The following RABGAP1L variants were observed in gnomAD, a reference collection of about 807,000 sequenced individuals.
The protein encoded by RABGAP1L is rab GTPase-activating protein 1-like.
RABGAP1L carries 63 observed loss-of-function variants against 137.7 expected under a neutral mutation model. That is an observed-to-expected ratio of 0.46 (90% CI 0.37 to 0.56). RABGAP1L has a LOEUF of 0.56. Ranked by LOEUF, RABGAP1L falls within the 20% of genes least tolerant of loss-of-function variation. The pLI, the probability that RABGAP1L is intolerant of heterozygous loss-of-function variation, is 0.00. For synonymous variants in RABGAP1L, 431 were observed against 433.7 expected, an observed-to-expected ratio of 0.99 and a Z score of 0.08; for missense variants, 1,095 against 1,244.0, an observed-to-expected ratio of 0.88 and a Z score of 1.80.
chr1:174,928,022 T>C (rs540083385), intron 19 of RABGAP1L, among the ~76,000 whole-genome samples: 11 of 152,166 alleles, frequency 7.2e-5, no homozygotes, highest in Non-Finnish European at 1.6e-4. Flanking sequence ...GATTCCCTAA[T>C]CTGTAGCCTT....
In RABGAP1L at chr1:174,491,677, C is replaced by T. The variant is rs550832149; in HGVS notation, c.1710+97532C>T. On this transcript the variant is annotated intron_variant, in intron 13 of 25. Transcript: ENST00000681986. ...ACCTACGACTTAGAGTCCTTATGGC[C>T]TAGATTGCCTTTCAAGTTTATTTAG... 3.3e-5 allele frequency among the ~76,000 whole-genome samples: 5 copies of T among 152,280 alleles called. No individual in the cohort carries two copies. The East Asian group carries it at 7.7e-4, about 24-fold the overall frequency.
intron 10 of RABGAP1L, among the ~76,000 whole-genome samples, chr1:174,299,125 A>G (rs1379736098): frequency 2.0e-5 from 3 of 152,390 alleles, no homozygotes; most frequent in African/African-American, 7.2e-5. Context: ...GATTATTTGC[A>G]TAAAGTGCAG....
At chr1:174,577,145 A>G (rs1413783172) in intron 13 of RABGAP1L, among the ~76,000 whole-genome samples, 2 of 151,458 alleles carry the variant, frequency 1.3e-5, no homozygotes, top group African/African-American at 4.9e-5. Context: ...TGATAGCTCC[A>G]TGATAGCACC....
At chr1:174,404,253 A>G (rs1216855991) in intron 13 of RABGAP1L, among the ~76,000 whole-genome samples, 1 of 152,180 alleles carries the variant, frequency 6.6e-6, no homozygotes, top group Admixed American at 6.5e-5. Flanking sequence ...CACAGAGGAG[A>G]GAATATCTGA....
chr1:174,366,326 GCTTT>G (rs1684604965), intron 11 of RABGAP1L, among the ~76,000 whole-genome samples: 1 of 152,066 alleles, frequency 6.6e-6, no homozygotes, highest in Admixed American at 6.5e-5. Context: ...TTCCTCTTAT[GCTTT>G]CTTTTACTAA....
intron 15 of RABGAP1L, among the ~76,000 whole-genome samples, chr1:174,688,223 T>G (rs1246182947): frequency 6.6e-6 from 1 of 152,120 alleles, no homozygotes; most frequent in East Asian, 1.9e-4. Flanking sequence ...ATATTTCACT[T>G]ACTCTAAAAA....
intron 14 of RABGAP1L, among the ~76,000 whole-genome samples, chr1:174,638,803 G>A (rs929984337): frequency 1.3e-4 from 19 of 146,648 alleles, no homozygotes; most frequent in Admixed American, 1.2e-3. Flanking sequence ...AGCAAACACC[G>A]CATATTCTCC....
chr1:174,237,809 C>G (rs893804896), intron 4 of RABGAP1L, among the ~76,000 whole-genome samples: 3 of 149,006 alleles, frequency 2.0e-5, no homozygotes, highest in Non-Finnish European at 4.4e-5. Context: ...TGAATCTGAA[C>G]GTTGGCCTGC....
intron 13 of RABGAP1L, among the ~76,000 whole-genome samples, chr1:174,616,305 A>C (rs1000677487): frequency 1.3e-5 from 2 of 152,202 alleles, no homozygotes; most frequent in African/African-American, 4.8e-5. Context: ...TATGGTACAA[A>C]TTATTAGCTT....
At chr1:174,758,287 C>T (rs1025336886) in intron 18 of RABGAP1L, among the ~76,000 whole-genome samples, 18 of 151,512 alleles carry the variant, frequency 1.2e-4, no homozygotes, top group African/African-American at 3.9e-4. Context: ...TTTTTCCTCA[C>T]TCCTTTTTCC....
At chr1:174,275,152 G>A (rs1248230681) in intron 8 of RABGAP1L, 1 of 152,122 alleles carries the variant, frequency 6.6e-6, no homozygotes, top group East Asian at 1.9e-4. Flanking sequence ...CTTAAAGAAT[G>A]GAGAAGAGGA....
chr1:174,258,600 A>T (rs1326451441), intron 7 of RABGAP1L, among the ~76,000 whole-genome samples: 1 of 152,034 alleles, frequency 6.6e-6, no homozygotes, highest in African/African-American at 2.4e-5. Context: ...ACTGTGCCTG[A>T]CCCAAATCTT....
intron 11 of RABGAP1L, among the ~76,000 whole-genome samples, chr1:174,311,202 A>G (rs1678810464): frequency 6.6e-6 from 1 of 152,146 alleles, no homozygotes; most frequent in South Asian, 2.1e-4. Context: ...GGAAATTTAC[A>G]ATCATGGCGG....
At chr1:174,961,892 C>A (rs1225074095) in intron 20 of RABGAP1L, among the ~76,000 whole-genome samples, 2 of 149,090 alleles carry the variant, frequency 1.3e-5, no homozygotes. Flanking sequence ...TGCAGCAGCT[C>A]ACGCCTGTAA....
At chr1:174,588,126 A>G (rs1040064998) in intron 13 of RABGAP1L, among the ~76,000 whole-genome samples, 2 of 151,978 alleles carry the variant, frequency 1.3e-5, no homozygotes, top group Non-Finnish European at 2.9e-5. Context: ...TCGGCTTCCA[A>G]AAGTGCTGGG....
intron 19 of RABGAP1L, among the ~76,000 whole-genome samples, chr1:174,838,454 AAGCATTC>A (rs1692986710): frequency 6.6e-6 from 1 of 152,200 alleles, no homozygotes; most frequent in Non-Finnish European, 1.5e-5. Flanking sequence ...ATTTGACCTA[AAGCATTC>A]AGGTAGCTTG....
intron 13 of RABGAP1L, among the ~76,000 whole-genome samples, chr1:174,442,747 C>T (rs1031190115): frequency 2.0e-5 from 3 of 152,114 alleles, no homozygotes; most frequent in Admixed American, 6.6e-5. Flanking sequence ...TCTAACTTCT[C>T]TTCCAGTTAT....
intron 18 of RABGAP1L, among the ~76,000 whole-genome samples, chr1:174,800,817 G>C (rs1262185188): frequency 6.6e-6 from 1 of 152,190 alleles, no homozygotes; most frequent in African/African-American, 2.4e-5. Flanking sequence ...CCAAGTGCTT[G>C]ATGTAGGCAT....
intron 13 of RABGAP1L, among the ~76,000 whole-genome samples, chr1:174,465,728 T>C (rs1270893834): frequency 6.6e-6 from 1 of 152,208 alleles, no homozygotes; most frequent in Non-Finnish European, 1.5e-5. Context: ...GGGAGGCAGC[T>C]TCTCCATGAA....
Sources: allele counts gnomAD v4.1 joint callset (sites outside exome capture counted in the v4.1 genomes callset), GRCh38; gene constraint gnomAD v4.1.1; transcripts MANE v1.5; gene names NCBI Gene and HGNC (gene_info 2026-07-23, HGNC 2026-07-21).